The following ZKSCAN2 variants were observed in gnomAD, a reference collection of about 807,000 sequenced individuals.
ZKSCAN2 encodes zinc finger protein with KRAB and SCAN domains 2.
Under a neutral mutation model 90.5 loss-of-function variants are expected in ZKSCAN2, and 38 were observed. That is an observed-to-expected ratio of 0.42 (90% CI 0.32 to 0.55). The LOEUF is 0.55. Among genes scored for constraint, ZKSCAN2 ranks in the 20% least tolerant of loss-of-function variants. ZKSCAN2 has a pLI of 0.11. For synonymous variants in ZKSCAN2, 429 were observed against 421.6 expected (o/e 1.02, Z -0.22); for missense variants, 1,167 against 1,202.6 (o/e 0.97, Z 0.44).
At position 25,257,608 on chromosome 16, in the gene ZKSCAN2, C is replaced by T. The variant is rs1963131480; in HGVS notation, c.-481G>A. 2.8e-6 allele frequency: 2 copies of T among 724,206 alleles called. No individual in the cohort carries two copies. The highest frequency in any genetic ancestry group is 1.3e-4 in the East Asian group (1 of 7,530). The allele number at this position is 724,206 out of a possible 1,614,324, so 44.9% of individuals were successfully genotyped here. Reference sequence around the variant, plus strand: ...CGGGCTCGGGTCACCGCAGCACGTCCAGGCCGCCGCGGGTGCCGCTGGGGC... The same window carrying T: ...CGGGCTCGGGTCACCGCAGCACGTCTAGGCCGCCGCGGGTGCCGCTGGGGC... On this transcript the variant is annotated 5_prime_UTR_variant, in exon 1 of 7. Transcript: ENST00000328086.
rs1963130678 is a variant in ZKSCAN2 at position 25,257,584 on chromosome 16, GGGCT to G, written c.-461_-458del. ...CAGGCCCCGCCCGGCGCCAGGTTCC[GGGCT>G]CGGGTCACCGCAGCACGTCCAGGCC... is the stretch of plus-strand genomic sequence containing the variant. On this transcript the variant is annotated 5_prime_UTR_variant, in exon 1 of 7. Coordinates refer to ENST00000328086, the MANE Select transcript of ZKSCAN2 (RefSeq NM_001012981.5). 1 of 905,130 alleles carries G rather than the reference GGGCT, an allele frequency of 1.1e-6. No homozygotes were observed. The highest frequency in any genetic ancestry group is 1.8e-5 in the African/African-American group (1 of 55,594). The allele number at this position is 905,130 out of a possible 1,614,324, so 56.1% of individuals were successfully genotyped here.
chr16:25,241,207 C>T (rs1426159788), intron 6 of ZKSCAN2, among the ~76,000 whole-genome samples: 1 of 152,234 alleles, frequency 6.6e-6, no homozygotes, highest in East Asian at 1.9e-4. Context: ...ATGTTCTTCT[C>T]ACTTTGTTTT....
rs147076183 is a variant in ZKSCAN2 at position 25,247,239 on chromosome 16, C to T, written c.957G>A (p.Arg319=). 5.1e-5 allele frequency: 83 copies of T among 1,614,214 alleles called. No individual in the cohort carries two copies. In the African/African-American group the frequency reaches 9.7e-4, roughly 19 times the overall value. The part of the protein sequence containing the change: ...KSVHAIQVPA[R]SAGKTWREQQ... The stretch of plus-strand genomic sequence containing the variant: ...GCTCTCTCCATGTTTTTCCTGCACT[C>T]CTTGCAGGGACCTGAATAGCATGAA... Residue 319 remains arginine (R), a synonymous_variant, in exon 5 of 7, where the codon AGG becomes AGA. Transcript: ENST00000328086.
chr16:25,239,955 T>C lies in ZKSCAN2; in HGVS notation c.2765A>G (p.Lys922Arg), dbSNP rs750034251. The C allele has an allele frequency of 2.0e-5, 32 of 1,614,096 alleles. No individual in the cohort carries two copies. The South Asian group carries it at 2.1e-4, about 11-fold the overall frequency. Residue 922 changes from lysine to arginine, a missense_variant, in exon 7 of 7, where the codon AAA (lysine) becomes AGA (arginine). By Grantham distance (26) the Lys-to-Arg change is conservative. Coordinates refer to ENST00000328086, the MANE Select transcript of ZKSCAN2 (RefSeq NM_001012981.5). ...EKPYGCAQCG[K>R]RFSKSSVLTK... ...AAGAACAGAACTCTTACTGAAACGTTTGCCACACTGGGCACATCCATAGGG... is the reference window on the plus strand; with the variant it reads ...AAGAACAGAACTCTTACTGAAACGTCTGCCACACTGGGCACATCCATAGGG...
intron 3 of ZKSCAN2, 56 bp downstream of exon 3, chr16:25,252,890 C>G: frequency 7.0e-7 from 1 of 1,418,900 alleles, no homozygotes; most frequent in Non-Finnish European, 1.0e-6. Flanking sequence ...TGTACTCCAC[C>G]GTGGGTGACA....
Position 25,247,176 on chromosome 16 carries a change from A to T in ZKSCAN2, c.1020T>A (p.Gly340=). Residue 340 remains glycine, a synonymous_variant, in exon 5 of 7, where the codon GGT becomes GGA. Coordinates refer to ENST00000328086, the MANE Select transcript of ZKSCAN2 (RefSeq NM_001012981.5). ...TTGTTTCCTCATAGCTCCAATGCAC[A>T]CCTGCTATCTTTTCATCTTCTAAAC... is the stretch of plus-strand genomic sequence containing the variant. ...QWGLEDEKIA[G]VHWSYEETKT... The T allele has an allele frequency of 6.2e-7, 1 of 1,614,172 alleles. No individual in the cohort carries two copies. Among genetic ancestry groups the T allele is most frequent in the Non-Finnish European group, 8.5e-7 (1 of 1,180,018 alleles).
chr16:25,248,638 A>G (rs1185647516), intron 4 of ZKSCAN2, among the ~76,000 whole-genome samples: 1 of 152,204 alleles, frequency 6.6e-6, no homozygotes, highest in East Asian at 1.9e-4. Flanking sequence ...GCTATCATCA[A>G]TGAGACAAAA....
chr16:25,250,489 T>G (rs1209717867), intron 4 of ZKSCAN2, among the ~76,000 whole-genome samples: 1 of 152,168 alleles, frequency 6.6e-6, no homozygotes, highest in East Asian at 1.9e-4. Context: ...GGGGAGATGA[T>G]GGTCAAAGCG....
rs558719326 is a variant in ZKSCAN2 at position 25,246,505 on chromosome 16, C to T, written c.1489+202G>A. 75 of 605,856 alleles carry T rather than the reference C, an allele frequency of 1.2e-4. 1 individual carries two copies. The East Asian group carries it at 1.3e-3, about 10-fold the overall frequency. The allele number at this position is 605,856 out of a possible 1,614,324, so 37.5% of individuals were successfully genotyped here. A position where few individuals can be genotyped will look rare whatever the true frequency, so the allele number is the denominator to read the frequency against. ...CTCTAAAGTGAAAACGACTTCTCCACGGCCACTTGGAGCTGTTACTCTGAC... is the reference window on the plus strand; with the variant it reads ...CTCTAAAGTGAAAACGACTTCTCCATGGCCACTTGGAGCTGTTACTCTGAC... On this transcript the variant is annotated intron_variant, in intron 5 of 6. Transcript: ENST00000328086.
At position 25,257,508 on chromosome 16, in the gene ZKSCAN2, C is replaced by T; in HGVS notation, c.-381G>A. On this transcript the variant is annotated 5_prime_UTR_variant, in exon 1 of 7. Transcript: ENST00000328086. The stretch of plus-strand genomic sequence containing the variant: ...GCCGGGAGGGGGTGTGTCCGCTACT[C>T]CCGGGTCGGGCGCGGAGAGGCGAGT... The T allele has an allele frequency of 5.0e-6, 5 of 994,960 alleles. No homozygotes were observed. The highest frequency in any genetic ancestry group is 6.0e-6 in the Non-Finnish European group (5 of 836,796). 61.6% of individuals were successfully genotyped at this position (994,960 alleles called of 1,614,324 possible).
chr16:25,247,042 C>T lies in ZKSCAN2; in HGVS notation c.1154G>A (p.Gly385Asp). 6.2e-7 allele frequency: 1 copy of T among 1,614,176 alleles called. No individual in the cohort carries two copies. Among genetic ancestry groups the T allele is most frequent in the South Asian group, 1.1e-5 (1 of 91,086 alleles). Reference sequence around the variant, plus strand: ...ACACTGTTCTGGGGTTCTAAGGAAGCCACATTCTCGCAACCATTCAGCCAC... The same window carrying T: ...ACACTGTTCTGGGGTTCTAAGGAAGTCACATTCTCGCAACCATTCAGCCAC... ...GAVAEWLREC[G>D]FLRTPEQCRT... The change falls in exon 5 of 7, where the codon GGC becomes GAC. Residue 385 changes from glycine to aspartate, a missense_variant. Physicochemically the swap from Gly to Asp is moderately conservative, Grantham distance 94 (BLOSUM62 -1). Transcript: ENST00000328086.
chr16:25,241,551 G>A (rs560618275), intron 6 of ZKSCAN2, among the ~76,000 whole-genome samples: 1 of 152,282 alleles, frequency 6.6e-6, no homozygotes, highest in Admixed American at 6.5e-5. Flanking sequence ...ACCTATTCAT[G>A]GCCAATCTCA....
intron 6 of ZKSCAN2, 138 bp downstream of exon 6, chr16:25,243,645 CCT>C (rs1214914631): frequency 2.3e-5 from 25 of 1,079,372 alleles, no homozygotes; most frequent in African/African-American, 4.8e-5. Flanking sequence ...TGCTATATCC[CCT>C]GTTCTTCAAG....
chr16:25,244,355 T>A, intron 5 of ZKSCAN2, 79 bp from the exon 6 acceptor site: 1 of 1,478,748 alleles, frequency 6.8e-7, no homozygotes, highest in Non-Finnish European at 9.1e-7. Context: ...TTAAGAAATG[T>A]AGAGGTAAAA....
intron 6 of ZKSCAN2, 108 bp downstream of exon 6, chr16:25,243,676 AT>A: frequency 7.4e-7 from 1 of 1,348,250 alleles, no homozygotes; most frequent in Non-Finnish European, 1.0e-6. Context: ...GCACTCAAAT[AT>A]TTCTTGAATG....
rs4787310 is a variant in ZKSCAN2 at position 25,257,047 on chromosome 16, A to G, written c.81T>C (p.Pro27=). 0.37 allele frequency: 590,005 copies of G among 1,613,762 alleles called. 111,194 individuals are homozygous for G. Among genetic ancestry groups the G allele is most frequent in the African/African-American group, 0.6 (45,159 of 74,890 alleles). Residue 27 remains proline, a synonymous_variant, in exon 1 of 7, where the codon CCT becomes CCC. Coordinates refer to ENST00000328086, the MANE Select transcript of ZKSCAN2 (RefSeq NM_001012981.5). ...CCAGAATGGGCTCTGATGCCCACTC[A>G]GGGTCCTTTTCCACCTTCATTATTA... The part of the protein sequence containing the change: ...GCLIMKVEKD[P]EWASEPILEG...
intron 4 of ZKSCAN2, among the ~76,000 whole-genome samples, chr16:25,250,334 T>C (rs1963002346): frequency 6.6e-6 from 1 of 151,830 alleles, no homozygotes; most frequent in South Asian, 2.1e-4. Flanking sequence ...AATCCTGCCA[T>C]TTGTGACAAC....
chr16:25,254,571 G>A (rs949773209), intron 2 of ZKSCAN2, among the ~76,000 whole-genome samples: 3 of 152,190 alleles, frequency 2.0e-5, no homozygotes, highest in African/African-American at 7.2e-5. Flanking sequence ...AACACATGAT[G>A]ATTGTAGAAT....
intron 1 of ZKSCAN2, among the ~76,000 whole-genome samples, chr16:25,255,684 C>T (rs891731771): frequency 6.6e-6 from 1 of 152,180 alleles, no homozygotes; most frequent in Non-Finnish European, 1.5e-5. Context: ...CAGGTTCAAG[C>T]GATTCTCCTC....
Sources: allele counts gnomAD v4.1 joint callset (sites outside exome capture counted in the v4.1 genomes callset), GRCh38; gene constraint gnomAD v4.1.1; transcripts MANE v1.5; gene names NCBI Gene and HGNC (gene_info 2026-07-23, HGNC 2026-07-21).